Variants in HS6ST3 observed in about 807,000 individuals in gnomAD.
HS6ST3 encodes the protein heparan-sulfate 6-O-sulfotransferase 3.
A neutral mutation model predicts 36.7 loss-of-function variants in HS6ST3; 12 were observed. That is an observed-to-expected ratio of 0.33 (90% CI 0.21 to 0.53). The LOEUF (loss-of-function observed/expected upper bound fraction) is 0.53. Among genes scored for constraint, HS6ST3 ranks in the 20% least tolerant of loss-of-function variants. The pLI is 0.95. For missense variants in HS6ST3, 584 were observed against 640.9 expected (o/e 0.91, Z 0.96); for synonymous variants, 240 against 257.5 (o/e 0.93, Z 0.65).
In HS6ST3 at chr13:96,671,919, C is replaced by G. The variant is rs2056684052; in HGVS notation, c.708-160571C>G. ...ATCTTAAAAATATATTTTTAACACACTAATACCTAAAAACAAAATAGTGGT... is the reference window on the plus strand; with the variant it reads ...ATCTTAAAAATATATTTTTAACACAGTAATACCTAAAAACAAAATAGTGGT... On this transcript the variant is annotated intron_variant, in intron 1 of 1. Coordinates refer to ENST00000376705, the MANE Select transcript of HS6ST3 (RefSeq NM_153456.4). Among the ~76,000 whole-genome samples the G allele has an allele frequency of 7.2e-5, 11 of 152,116 alleles. No individual in the cohort carries two copies. In the South Asian group the frequency reaches 2.3e-3, roughly 32 times the overall value.
At chr13:96,464,138 C>CAA (rs67305199) in intron 1 of HS6ST3, among the ~76,000 whole-genome samples, 4,104 of 38,626 alleles carry the variant, frequency 0.11, 464 homozygotes, top group Admixed American at 0.3. Context: ...TGTCAGGCCT[C>CAA]AAAAAAAAAA....
At chr13:96,178,389 C>T (rs2054222472) in intron 1 of HS6ST3, among the ~76,000 whole-genome samples, 1 of 152,114 alleles carries the variant, frequency 6.6e-6, no homozygotes, top group Non-Finnish European at 1.5e-5. Flanking sequence ...TTTAAACTGG[C>T]CAACTTCACT....
At chr13:96,317,976 G>A (rs960500191) in intron 1 of HS6ST3, among the ~76,000 whole-genome samples, 2 of 152,050 alleles carry the variant, frequency 1.3e-5, no homozygotes, top group African/African-American at 4.8e-5. Flanking sequence ...TGCACAGTTT[G>A]TGAATATTTT....
chr13:96,157,320 C>G (rs1328930350), intron 1 of HS6ST3, among the ~76,000 whole-genome samples: 1 of 152,094 alleles, frequency 6.6e-6, no homozygotes, highest in Non-Finnish European at 1.5e-5. Context: ...TTTTAATTCC[C>G]TAAAGTTTAG....
At chr13:96,773,685 T>A (rs187425991) in intron 1 of HS6ST3, among the ~76,000 whole-genome samples, 1 of 152,128 alleles carries the variant, frequency 6.6e-6, no homozygotes, top group African/African-American at 2.4e-5. Flanking sequence ...AGTCAGGGGC[T>A]TATAGATAAA....
chr13:96,438,778 G>C (rs1248117197), intron 1 of HS6ST3, among the ~76,000 whole-genome samples: 1 of 152,128 alleles, frequency 6.6e-6, no homozygotes, highest in Non-Finnish European at 1.5e-5. Flanking sequence ...AAAATATTAT[G>C]GTTATGGCTG....
rs1382195892 is a variant in HS6ST3, at chr13:96,829,987, T to C, written c.708-2503T>C. ...GGCTTGGCTTGCTATTTTTAAACTT[T>C]ACAATAATGAGAATACCATAGGCAT... On this transcript the variant is annotated intron_variant, in intron 1 of 1. Transcript: ENST00000376705. 2.0e-5 allele frequency among the ~76,000 whole-genome samples: 3 copies of C among 152,296 alleles called. No individual in the cohort carries two copies. The East Asian group carries it at 5.8e-4, about 29-fold the overall frequency.
intron 1 of HS6ST3, among the ~76,000 whole-genome samples, chr13:96,705,775 C>T (rs1875403826): frequency 1.3e-5 from 2 of 152,146 alleles, no homozygotes; most frequent in South Asian, 4.1e-4. Context: ...AGAGCAGGAG[C>T]CGGTGTCTCC....
intron 1 of HS6ST3, among the ~76,000 whole-genome samples, chr13:96,441,760 A>G (rs1379778043): frequency 6.6e-6 from 1 of 152,178 alleles, no homozygotes; most frequent in Non-Finnish European, 1.5e-5. Flanking sequence ...TACAAAATAC[A>G]TTAGAAGATT....
rs535459605 is a variant in HS6ST3, at chr13:96,349,438, T to G, written c.707+257869T>G. Among the ~76,000 whole-genome samples, 8 of 152,284 alleles carry G rather than the reference T, an allele frequency of 5.3e-5. No homozygotes were observed. The South Asian group carries it at 1.2e-3, about 24-fold the overall frequency. On this transcript the variant is annotated intron_variant, in intron 1 of 1. Transcript: ENST00000376705. ...TTTATTTCTCTCTCTTTCCAAACAA[T>G]TCTCTCCAAAAGTGCTGCGTCACAT...
intron 1 of HS6ST3, among the ~76,000 whole-genome samples, chr13:96,172,698 C>T (rs1310505076): frequency 1.3e-5 from 2 of 152,076 alleles, no homozygotes; most frequent in African/African-American, 4.8e-5. Flanking sequence ...TCTTATTTCT[C>T]GTGTTAGAAA....
chr13:96,401,289 C>T (rs1343687026), intron 1 of HS6ST3, among the ~76,000 whole-genome samples: 1 of 151,918 alleles, frequency 6.6e-6, no homozygotes, highest in Non-Finnish European at 1.5e-5. Flanking sequence ...CTGTGTCCAG[C>T]CCTCTACACC....
At chr13:96,507,820 A>C (rs1011008849) in intron 1 of HS6ST3, among the ~76,000 whole-genome samples, 1 of 152,124 alleles carries the variant, frequency 6.6e-6, no homozygotes, top group Non-Finnish European at 1.5e-5. Context: ...ATAACTTTAG[A>C]ATGTATTATA....
At chr13:96,446,646 T>A (rs570773500) in intron 1 of HS6ST3, among the ~76,000 whole-genome samples, 14 of 152,134 alleles carry the variant, frequency 9.2e-5, no homozygotes, top group Non-Finnish European at 1.9e-4. Context: ...ACTTTGGCAG[T>A]GGAAAAGAAT....
At chr13:96,139,541 GAAAAAAAAAAAA>G (rs57777280) in intron 1 of HS6ST3, among the ~76,000 whole-genome samples, 2 of 66,264 alleles carry the variant, frequency 3.0e-5, no homozygotes, top group African/African-American at 1.2e-4. Flanking sequence ...GTAAGATTCA[GAAAAAAAAAAAA>G]AAAAAAAAAA....
intron 1 of HS6ST3, among the ~76,000 whole-genome samples, chr13:96,748,540 T>TAGA (rs1238030080): frequency 7.2e-5 from 11 of 152,160 alleles, no homozygotes; most frequent in Non-Finnish European, 1.3e-4. Context: ...AGTATTTAGC[T>TAGA]AGTCAGAACT....
intron 1 of HS6ST3, among the ~76,000 whole-genome samples, chr13:96,470,622 C>T (rs889090842): frequency 6.6e-6 from 1 of 152,160 alleles, no homozygotes; most frequent in African/African-American, 2.4e-5. Flanking sequence ...CATAGTCATG[C>T]ATCTTGAAAA....
chr13:96,570,620 G>T lies in HS6ST3; in HGVS notation c.708-261870G>T, dbSNP rs76955698. 1.6e-3 allele frequency among the ~76,000 whole-genome samples: 249 copies of T among 152,300 alleles called. 5 individuals carry two copies. In the East Asian group the frequency reaches 0.04, roughly 25 times the overall value. ...CTGTCCATTGGCCACTCCCACTGTG[G>T]TTCATTCTAGAAGCATTTATAGAAC... On this transcript the variant is annotated intron_variant, in intron 1 of 1. Coordinates refer to ENST00000376705, the MANE Select transcript of HS6ST3 (RefSeq NM_153456.4).
At chr13:96,606,064 C>T (rs2056437613) in intron 1 of HS6ST3, among the ~76,000 whole-genome samples, 1 of 151,984 alleles carries the variant, frequency 6.6e-6, no homozygotes, top group South Asian at 2.1e-4. Flanking sequence ...ATTAAAAAGT[C>T]AAAAAATAAC....
Sources: gnomAD v4.1 joint callset for allele counts (sites outside exome capture counted in the v4.1 genomes callset) on GRCh38, gnomAD v4.1.1 for gene constraint, MANE v1.5 for transcripts, NCBI Gene and HGNC (gene_info 2026-07-23, HGNC 2026-07-21) for gene names.